LSAMP: variants seen among roughly 807,000 people sequenced by gnomAD.
LSAMP encodes limbic system associated membrane protein.
Under a neutral mutation model 38.6 loss-of-function variants are expected in LSAMP, and 7 were observed. That is an observed-to-expected ratio of 0.18 (90% CI 0.10 to 0.34). The LOEUF (loss-of-function observed/expected upper bound fraction) is 0.34. Ranked by LOEUF, LSAMP falls within the 10% of genes least tolerant of loss-of-function variation. The probability of loss-of-function intolerance (pLI) is 1.00; values close to 1 mark genes in which losing one functional copy is unlikely to be tolerated. For missense variants in LSAMP, 313 were observed against 420.0 expected, an observed-to-expected ratio of 0.75 and a Z score of 2.23; for synonymous variants, 154 against 166.8, an observed-to-expected ratio of 0.92 and a Z score of 0.59.
chr3:116,164,739 T>A, intron 1 of LSAMP, among the ~76,000 whole-genome samples: 1 of 71,896 alleles, frequency 1.4e-5, no homozygotes, highest in African/African-American at 5.7e-5. Flanking sequence ...AATATATATA[T>A]ATCCATATAT....
At chr3:116,150,802 T>C (rs557686825) in intron 1 of LSAMP, among the ~76,000 whole-genome samples, 1 of 152,084 alleles carries the variant, frequency 6.6e-6, no homozygotes, top group Admixed American at 6.6e-5. Context: ...AATACAAAAT[T>C]ATGAGGATGT....
chr3:115,928,127 G>A (rs996605790), intron 3 of LSAMP, among the ~76,000 whole-genome samples: 1 of 152,166 alleles, frequency 6.6e-6, no homozygotes, highest in Non-Finnish European at 1.5e-5. Context: ...AAATGAATAA[G>A]TGATATATCA....
chr3:115,922,377 A>G (rs1279960513), intron 3 of LSAMP, among the ~76,000 whole-genome samples: 1 of 152,038 alleles, frequency 6.6e-6, no homozygotes, highest in African/African-American at 2.4e-5. Flanking sequence ...TCTAATGAAT[A>G]TTTCAGTTCA....
At chr3:116,075,066 G>A (rs1243568465) in intron 2 of LSAMP, among the ~76,000 whole-genome samples, 1 of 151,108 alleles carries the variant, frequency 6.6e-6, no homozygotes, top group Non-Finnish European at 1.5e-5. Context: ...TTGAAATCCC[G>A]ACCTCTGGTG....
chr3:116,225,051 C>A (rs948081396), intron 1 of LSAMP, among the ~76,000 whole-genome samples: 2 of 152,086 alleles, frequency 1.3e-5, no homozygotes, highest in Non-Finnish European at 2.9e-5. Context: ...AGCTGTAAAG[C>A]AGATATGAAG....
chr3:116,264,612 T>C (rs1171664407), intron 1 of LSAMP, among the ~76,000 whole-genome samples: 1 of 152,188 alleles, frequency 6.6e-6, no homozygotes, highest in Non-Finnish European at 1.5e-5. Context: ...TTTTGTTTGT[T>C]TGTTTTTGAG....
intron 4 of LSAMP, among the ~76,000 whole-genome samples, 158 bp from the exon 5 acceptor site, chr3:115,842,736 T>C (rs1036057578): frequency 6.6e-6 from 1 of 152,044 alleles, no homozygotes; most frequent in African/African-American, 2.4e-5. Flanking sequence ...CTCAATGGGG[T>C]TGATCACCAA....
In LSAMP at chr3:116,257,420, T is replaced by C. The variant is rs928064263; in HGVS notation, c.156-170864A>G. Among the ~76,000 whole-genome samples the C allele has an allele frequency of 3.3e-5, 5 of 152,212 alleles. No individual in the cohort carries two copies. The East Asian group carries it at 5.8e-4, about 18-fold the overall frequency. On this transcript the variant is annotated intron_variant, in intron 1 of 6. Transcript: ENST00000490035. ...TCTCTCTTGTGTCTTTTCTGCTTTT[T>C]AACATTGTTTGGATAGTTTTCTTGA... is the stretch of plus-strand genomic sequence containing the variant.
intron 1 of LSAMP, among the ~76,000 whole-genome samples, chr3:116,276,543 G>A (rs2047054330): frequency 6.6e-6 from 1 of 151,906 alleles, no homozygotes. Flanking sequence ...GGAGGGAGGC[G>A]AGGGATAAAA....
In LSAMP at chr3:116,442,325, G is replaced by C. The variant is rs187915340; in HGVS notation, c.155+2552C>G. On this transcript the variant is annotated intron_variant, in intron 1 of 6. Coordinates refer to ENST00000490035, the MANE Select transcript of LSAMP (RefSeq NM_002338.5). ...TCATTCGGGGCCACAAACTCACTAA[G>C]AGAATTATTTTTTTCTCCTAGCCAT... 1.4e-3 allele frequency among the ~76,000 whole-genome samples: 217 copies of C among 152,020 alleles called. 4 individuals carry two copies. Among genetic ancestry groups the C allele is most frequent in the Admixed American group, 2.1e-3 (32 of 15,262 alleles).
At chr3:116,281,141 A>G (rs1285053937) in intron 1 of LSAMP, among the ~76,000 whole-genome samples, 1 of 152,216 alleles carries the variant, frequency 6.6e-6, no homozygotes, top group African/African-American at 2.4e-5. Context: ...GAAGACATGA[A>G]GTACAGAAAA....
chr3:116,131,148 G>A (rs1050428238), intron 1 of LSAMP, among the ~76,000 whole-genome samples: 1 of 151,838 alleles, frequency 6.6e-6, no homozygotes, highest in East Asian at 1.9e-4. Context: ...CCTCCACCTC[G>A]CCTGGCTAAT....
intron 2 of LSAMP, among the ~76,000 whole-genome samples, chr3:116,058,162 G>T (rs1325177072): frequency 2.6e-5 from 4 of 152,152 alleles, no homozygotes; most frequent in Admixed American, 6.6e-5. Flanking sequence ...AACAGGGAAG[G>T]TCTGGGTTTT....
At chr3:116,138,150 A>C (rs1048542571) in intron 1 of LSAMP, among the ~76,000 whole-genome samples, 1 of 152,130 alleles carries the variant, frequency 6.6e-6, no homozygotes, top group African/African-American at 2.4e-5. Flanking sequence ...TGCACTTTGA[A>C]CATCAAAGTT....
At chr3:115,838,123 G>C (rs1434847517) in intron 6 of LSAMP, 1 of 152,228 alleles carries the variant, frequency 6.6e-6, no homozygotes, top group Non-Finnish European at 1.5e-5. Context: ...AATAGCCACT[G>C]CACTCCAGCC....
At chr3:116,418,268 G>A (rs1207279358) in intron 1 of LSAMP, among the ~76,000 whole-genome samples, 1 of 152,040 alleles carries the variant, frequency 6.6e-6, no homozygotes, top group Non-Finnish European at 1.5e-5. Context: ...ACTTATCTCA[G>A]TTGGCCAGCA....
chr3:116,056,930 A>C (rs914615518), intron 2 of LSAMP, among the ~76,000 whole-genome samples: 1 of 152,168 alleles, frequency 6.6e-6, no homozygotes, highest in Non-Finnish European at 1.5e-5. Context: ...GGCATTCATA[A>C]AGAGAATGAC....
At chr3:116,298,838 G>T (rs1559818795) in intron 1 of LSAMP, among the ~76,000 whole-genome samples, 2 of 152,080 alleles carry the variant, frequency 1.3e-5, no homozygotes, top group Non-Finnish European at 2.9e-5. Context: ...CTGCTTCTGT[G>T]CCAGGTCCTT....
intron 2 of LSAMP, among the ~76,000 whole-genome samples, chr3:116,079,631 C>T (rs1303032612): frequency 1.2e-5 from 1 of 86,130 alleles, no homozygotes; most frequent in African/African-American, 4.3e-5. Context: ...GACTCTGTCT[C>T]AAAAAAAAAA....
Sources: allele counts gnomAD v4.1 joint callset (sites outside exome capture counted in the v4.1 genomes callset), GRCh38; gene constraint gnomAD v4.1.1; transcripts MANE v1.5; gene names NCBI Gene and HGNC (gene_info 2026-07-23, HGNC 2026-07-21).